Variants in STAT5A observed in about 807,000 individuals in gnomAD.
The protein encoded by STAT5A is epididymis secretory sperm binding protein.
A neutral mutation model predicts 100.2 loss-of-function variants in STAT5A; 26 were observed. The ratio of observed to expected loss-of-function variants is 0.26; its 90% CI spans 0.19 to 0.36. STAT5A has a LOEUF of 0.36. STAT5A is among the 10% of genes least tolerant of loss of function. The pLI, the probability that STAT5A is intolerant of heterozygous loss-of-function variation, is 1.00. For missense variants in STAT5A, 634 were observed against 1,027.5 expected (o/e 0.62, Z 5.24); for synonymous variants, 330 against 424.3 (o/e 0.78, Z 2.73).
chr17:42,306,531 GC>G, intron 13 of STAT5A, 84 bp downstream of exon 13: 1 of 1,543,344 alleles, frequency 6.5e-7, no homozygotes, highest in Non-Finnish European at 8.8e-7. Context: ...ACTGCCTGGG[GC>G]TAGCACCCCA....
intron 13 of STAT5A, among the ~76,000 whole-genome samples, chr17:42,306,952 T>G (rs1330196486): frequency 3.3e-5 from 5 of 152,074 alleles, no homozygotes; most frequent in Non-Finnish European, 7.4e-5. Flanking sequence ...ACTCCTGACC[T>G]CAGGTGATCC....
chr17:42,310,244 G>A (rs2081067336), intron 18 of STAT5A, among the ~76,000 whole-genome samples: 10 of 152,284 alleles, frequency 6.6e-5, no homozygotes. Flanking sequence ...CAGCCACCTG[G>A]TTTTAAGATG....
chr17:42,301,597 C>T (rs2080979905), intron 9 of STAT5A, 143 bp downstream of exon 9: 1 of 1,289,342 alleles, frequency 7.8e-7, no homozygotes, highest in Non-Finnish European at 1.1e-6. Flanking sequence ...CTCATGCAGT[C>T]TTCCCACCTC....
Position 42,307,030 on chromosome 17 carries a change from CCTT to C in STAT5A, c.1681-369_1681-367del, listed in dbSNP as rs546049671. Among the ~76,000 whole-genome samples, 6 of 152,140 alleles carry C rather than the reference CCTT, an allele frequency of 3.9e-5. No homozygotes were observed. In the South Asian group the frequency reaches 1.2e-3, roughly 32 times the overall value. ...CCACCACGCCTGTGGCTCTGGCTCT[CCTT>C]CTGCCTCTCTCCTTGCTAATTTTTG... On this transcript the variant is annotated intron_variant, in intron 13 of 18. Coordinates refer to ENST00000590949, the MANE Select transcript of STAT5A (RefSeq NM_001288718.2).
rs921413290 is a variant in STAT5A, at chr17:42,308,005, T to A, written c.1907-173T>A. Among the ~76,000 whole-genome samples the A allele has an allele frequency of 6.6e-6, 1 of 152,186 alleles. No individual in the cohort carries two copies. Among genetic ancestry groups the A allele is most frequent in the Non-Finnish European group, 1.5e-5 (1 of 68,038 alleles). ...ACCCAGCCTTGTTGGTATCTGCTCA[T>A]CTGGTTTGCTGAGTAGAACATCCCG... is the stretch of plus-strand genomic sequence containing the variant. On this transcript the variant is annotated intron_variant, in intron 15 of 18. Transcript: ENST00000590949. The surrounding 1 kb of genome is among the most constrained non-coding windows in gnomAD (Gnocchi z 4.6).
Position 42,310,725 on chromosome 17 carries a change from T to C in STAT5A, c.*56T>C. 1.2e-6 allele frequency: 2 copies of C among 1,609,426 alleles called. No homozygotes were observed. Among genetic ancestry groups the C allele is most frequent in the East Asian group, 2.2e-5 (1 of 44,802 alleles). On this transcript the variant is annotated 3_prime_UTR_variant, in exon 19 of 19. Coordinates refer to ENST00000590949, the MANE Select transcript of STAT5A (RefSeq NM_001288718.2). ...CAATATGCAATGTGAAGCGGTCGTG[T>C]TGTGAGTTTAGTAAGGCTGTGTACA...
At chr17:42,293,185 A>C (rs1386371620) in intron 4 of STAT5A, among the ~76,000 whole-genome samples, 3 of 152,074 alleles carry the variant, frequency 2.0e-5, no homozygotes, top group African/African-American at 7.2e-5. Context: ...CATATTTATT[A>C]TTTCTTTCTT....
At chr17:42,296,859 C>A (rs556990269) in intron 5 of STAT5A, among the ~76,000 whole-genome samples, 1 of 152,326 alleles carries the variant, frequency 6.6e-6, no homozygotes, top group South Asian at 2.1e-4. Context: ...CCTGCACTGT[C>A]AGTGCTTTGT....
rs1440676025 is a variant in STAT5A, at chr17:42,310,880, A to G, written c.*211A>G. 6 of 797,542 alleles carry G rather than the reference A, an allele frequency of 7.5e-6. No homozygotes were observed. Among genetic ancestry groups the G allele is most frequent in the South Asian group, 7.3e-5 (4 of 54,766 alleles). The allele number at this position is 797,542 out of a possible 1,614,324, so 49.4% of individuals were successfully genotyped here. ...AGCAGCGGTGGCCTCTTTTCAGATC[A>G]TGGCATCCAAGAGTGCGCCGAGTCT... On this transcript the variant is annotated 3_prime_UTR_variant, in exon 19 of 19. Transcript: ENST00000590949.
At chr17:42,301,528 C>G (rs951924559) in intron 9 of STAT5A, 74 bp downstream of exon 9, 14 of 1,575,752 alleles carry the variant, frequency 8.9e-6, no homozygotes, top group Non-Finnish European at 1.1e-5. Flanking sequence ...GTCCTTGCAT[C>G]CAGCTATGTC....
Position 42,304,133 on chromosome 17 carries a change from C to T in STAT5A, c.1170-209C>T, listed in dbSNP as rs1052715850. On this transcript the variant is annotated intron_variant, in intron 9 of 18. Coordinates refer to ENST00000590949, the MANE Select transcript of STAT5A (RefSeq NM_001288718.2). This position sits in a 1 kb window ranked among gnomAD's most constrained non-coding sequence, Gnocchi z 4.8. ...AATTTCTAATGATAGATCCAGACCT[C>T]ACCACTGGAGACCTTGCCTTGGGTG... 4.8e-5 allele frequency: 28 copies of T among 585,998 alleles called. No individual in the cohort carries two copies. The highest frequency in any genetic ancestry group is 7.6e-5 in the Non-Finnish European group (25 of 328,292). The allele number at this position is 585,998 out of a possible 1,614,324, so 36.3% of individuals were successfully genotyped here.
intron 4 of STAT5A, among the ~76,000 whole-genome samples, chr17:42,292,332 T>C (rs1289365676): frequency 6.6e-6 from 1 of 152,026 alleles, no homozygotes; most frequent in Non-Finnish European, 1.5e-5. Flanking sequence ...TTCTTTTTTC[T>C]TTTTTCTTTT....
chr17:42,310,899 C>T lies in STAT5A; in HGVS notation c.*230C>T, dbSNP rs891584778. 1.2e-5 allele frequency: 8 copies of T among 665,266 alleles called. No individual in the cohort carries two copies. Among genetic ancestry groups the T allele is most frequent in the Non-Finnish European group, 2.0e-5 (8 of 404,858 alleles). The allele number at this position is 665,266 out of a possible 1,614,324, so 41.2% of individuals were successfully genotyped here. A position where few individuals can be genotyped will look rare whatever the true frequency, so the allele number is the denominator to read the frequency against. ...CAGATCATGGCATCCAAGAGTGCGC[C>T]GAGTCTGTCTCTGTCATGGTAGAGA... On this transcript the variant is annotated 3_prime_UTR_variant, in exon 19 of 19. Coordinates refer to ENST00000590949, the MANE Select transcript of STAT5A (RefSeq NM_001288718.2).
chr17:42,305,984 C>T (rs1347943040), intron 12 of STAT5A: 33 of 667,282 alleles, frequency 4.9e-5, no homozygotes, highest in Non-Finnish European at 7.3e-5. Flanking sequence ...GGTCCTTGCT[C>T]TCTGTTTTCT....
chr17:42,308,358 C>G lies in STAT5A; in HGVS notation c.2062+25C>G. 1.2e-6 allele frequency: 2 copies of G among 1,613,906 alleles called. No individual in the cohort carries two copies. The highest frequency in any genetic ancestry group is 1.7e-6 in the Non-Finnish European group (2 of 1,179,944). Reference sequence around the variant, plus strand: ...GGTGGGTACTGCCCCAGGACCCTGCCGGCTGACTCCCCCGGGCTCTTCCCC... The same window carrying G: ...GGTGGGTACTGCCCCAGGACCCTGCGGGCTGACTCCCCCGGGCTCTTCCCC... On this transcript the variant is annotated intron_variant, in intron 16 of 18. Coordinates refer to ENST00000590949, the MANE Select transcript of STAT5A (RefSeq NM_001288718.2). This position sits in a 1 kb window ranked among gnomAD's most constrained non-coding sequence, Gnocchi z 4.6.
chr17:42,289,316 G>A (rs1166705806), intron 1 of STAT5A, 86 bp from the exon 2 acceptor site: 1 of 1,420,676 alleles, frequency 7.0e-7, no homozygotes, highest in East Asian at 2.6e-5. Context: ...CGCGGTCCAG[G>A]GATAGGTAGG....
intron 5 of STAT5A, among the ~76,000 whole-genome samples, chr17:42,296,459 T>A (rs2080918862): frequency 6.6e-6 from 1 of 151,768 alleles, no homozygotes; most frequent in Admixed American, 6.6e-5. Flanking sequence ...ATTTGAGGAG[T>A]CATGGGACAT....
intron 9 of STAT5A, 49 bp downstream of exon 9, chr17:42,301,503 T>G (rs755359670): frequency 1.3e-4 from 215 of 1,603,460 alleles, no homozygotes; most frequent in Non-Finnish European, 1.8e-4. Context: ...GTGGGGGACC[T>G]GCACCCCCCG....
intron 13 of STAT5A, 59 bp downstream of exon 13, chr17:42,306,506 C>T (rs2081030281): frequency 1.9e-6 from 3 of 1,562,242 alleles, no homozygotes; most frequent in Non-Finnish European, 2.6e-6. Flanking sequence ...TGCTCCTCCA[C>T]CTCACAGACA....
Sources: gnomAD v4.1 joint callset for allele counts (sites outside exome capture counted in the v4.1 genomes callset) on GRCh38, gnomAD v4.1.1 for gene constraint, Gnocchi (gnomAD v3.1) non-coding constraint, MANE v1.5 for transcripts, NCBI Gene and HGNC (gene_info 2026-07-23, HGNC 2026-07-21) for gene names.